The following PBX3 variants were observed in gnomAD, a reference collection of about 807,000 sequenced individuals.
PBX3 encodes the protein PBX homeobox 3, also known as pre-B-cell leukemia transcription factor 3.
A neutral mutation model predicts 48.5 loss-of-function variants in PBX3; 14 were observed. The observed-to-expected ratio is 0.29, with a 90% CI of 0.19 to 0.45. The LOEUF (loss-of-function observed/expected upper bound fraction) is 0.45, where lower values mean the gene tolerates loss of function less well. Ranked by LOEUF, PBX3 falls within the 20% of genes least tolerant of loss-of-function variation. The probability of loss-of-function intolerance (pLI) is 1.00; values close to 1 mark genes in which losing one functional copy is unlikely to be tolerated. For synonymous variants in PBX3, 210 were observed against 200.3 expected (o/e 1.05, Z -0.41); for missense variants, 386 against 546.7 (o/e 0.71, Z 2.93).
chr9:125,857,666 A>C (rs1227532255), intron 2 of PBX3, among the ~76,000 whole-genome samples: 1 of 152,256 alleles, frequency 6.6e-6, no homozygotes, highest in Non-Finnish European at 1.5e-5. Context: ...TTGGTGGAAC[A>C]GAATTTTACA....
rs1331363028 is a variant in PBX3 at position 125,759,781 on chromosome 9, C to A, written c.274+11158C>A. On this transcript the variant is annotated intron_variant, in intron 2 of 8. Transcript: ENST00000373489. The surrounding 1 kb of genome is among the most constrained non-coding windows in gnomAD (Gnocchi z 4.2). Reference sequence around the variant, plus strand: ...TGGCAACTGGCATAACAATTAGCATCCTCCAGCAATATTTTAGCAGGTTAA... The same window carrying A: ...TGGCAACTGGCATAACAATTAGCATACTCCAGCAATATTTTAGCAGGTTAA... Among the ~76,000 whole-genome samples, 2 of 152,180 alleles carry A rather than the reference C, an allele frequency of 1.3e-5. No homozygotes were observed. The highest frequency in any genetic ancestry group is 4.8e-5 in the African/African-American group (2 of 41,430).
intron 2 of PBX3, among the ~76,000 whole-genome samples, chr9:125,777,750 CTCTT>C (rs1564648700): frequency 6.6e-6 from 1 of 152,100 alleles, no homozygotes; most frequent in African/African-American, 2.4e-5. Flanking sequence ...TTACTTTACT[CTCTT>C]TCTTTGTTAT....
At chr9:125,948,229 A>G (rs1346584308) in intron 5 of PBX3, among the ~76,000 whole-genome samples, 2 of 147,348 alleles carry the variant, frequency 1.4e-5, no homozygotes, top group East Asian at 2.0e-4. Flanking sequence ...TAACACCACA[A>G]TTAGCAGACT....
intron 2 of PBX3, among the ~76,000 whole-genome samples, chr9:125,896,037 T>G (rs1225379147): frequency 6.6e-6 from 1 of 152,078 alleles, no homozygotes; most frequent in East Asian, 1.9e-4. Context: ...AAATACTCAC[T>G]TATTCCCTTT....
chr9:125,807,572 TA>T (rs1250850751), intron 2 of PBX3, among the ~76,000 whole-genome samples: 1 of 152,188 alleles, frequency 6.6e-6, no homozygotes, highest in Non-Finnish European at 1.5e-5. Context: ...CTAACTTGTC[TA>T]AATTCACATT....
intron 2 of PBX3, among the ~76,000 whole-genome samples, chr9:125,838,921 A>G (rs1839213455): frequency 2.0e-5 from 3 of 152,190 alleles, no homozygotes; most frequent in Non-Finnish European, 4.4e-5. Flanking sequence ...TTTCCAGGAA[A>G]GTGATAGAAG....
chr9:125,813,377 C>T (rs1838353840), intron 2 of PBX3, among the ~76,000 whole-genome samples: 1 of 152,058 alleles, frequency 6.6e-6, no homozygotes, highest in Non-Finnish European at 1.5e-5. Flanking sequence ...AATTTTTTAG[C>T]TCCTTTATAA....
chr9:125,813,228 T>TA (rs1407338300), intron 2 of PBX3, among the ~76,000 whole-genome samples: 1 of 152,066 alleles, frequency 6.6e-6, no homozygotes. Context: ...GATTTTTTTT[T>TA]ATATCCGTAT....
At chr9:125,814,178 A>AG (rs1554859052) in intron 2 of PBX3, among the ~76,000 whole-genome samples, 1 of 146,292 alleles carries the variant, frequency 6.8e-6, no homozygotes, top group African/African-American at 2.6e-5. Flanking sequence ...AAAAAAAAAA[A>AG]AGTATCCTAG....
intron 5 of PBX3, among the ~76,000 whole-genome samples, chr9:125,950,126 C>CCT (rs1453601939): frequency 6.6e-6 from 1 of 152,134 alleles, no homozygotes; most frequent in Non-Finnish European, 1.5e-5. Context: ...TAGAGGCACC[C>CCT]CTCAGCACGT....
intron 2 of PBX3, chr9:125,749,456 A>G (rs904393081): frequency 3.3e-5 from 5 of 152,070 alleles, no homozygotes; most frequent in African/African-American, 1.2e-4. Context: ...ACTGAAGCAG[A>G]GATTTGGATG....
At chr9:125,855,355 A>G (rs546390841) in intron 2 of PBX3, among the ~76,000 whole-genome samples, 2 of 152,238 alleles carry the variant, frequency 1.3e-5, no homozygotes, top group African/African-American at 4.8e-5. Context: ...TAATTTAAAA[A>G]TTATTTGTAA....
intron 2 of PBX3, among the ~76,000 whole-genome samples, chr9:125,766,332 T>C (rs1278845327): frequency 6.6e-6 from 1 of 152,152 alleles, no homozygotes; most frequent in Non-Finnish European, 1.5e-5. Flanking sequence ...AATTTATATG[T>C]AAATTATTTG....
intron 2 of PBX3, among the ~76,000 whole-genome samples, chr9:125,865,731 AT>A (rs1031518255): frequency 1.6e-4 from 25 of 152,304 alleles, no homozygotes; most frequent in Admixed American, 2.6e-4. Flanking sequence ...CACTAAACTC[AT>A]TTAAGTCAAA....
intron 2 of PBX3, among the ~76,000 whole-genome samples, chr9:125,889,979 T>C (rs1169648567): frequency 6.6e-6 from 1 of 151,786 alleles, no homozygotes; most frequent in Non-Finnish European, 1.5e-5. Flanking sequence ...GCAGCTGACC[T>C]TAGCCGGCTG....
chr9:125,888,059 T>G (rs1840542639), intron 2 of PBX3, among the ~76,000 whole-genome samples: 1 of 152,142 alleles, frequency 6.6e-6, no homozygotes, highest in Non-Finnish European at 1.5e-5. Context: ...TAGATAGACT[T>G]CTACTACTAG....
At chr9:125,925,764 A>G (rs1469815383) in intron 3 of PBX3, among the ~76,000 whole-genome samples, 2 of 152,230 alleles carry the variant, frequency 1.3e-5, no homozygotes, top group Non-Finnish European at 2.9e-5. Context: ...CTGAGAATTT[A>G]AAAATTTAAT....
At chr9:125,748,694 C>T in intron 2 of PBX3, 71 bp downstream of exon 2, 1 of 1,142,800 alleles carries the variant, frequency 8.8e-7, no homozygotes, top group Non-Finnish European at 1.3e-6. Context: ...CTTCGACTCT[C>T]CAGTTGAGAG....
chr9:125,844,876 A>C (rs564968573), intron 2 of PBX3: 1 of 152,224 alleles, frequency 6.6e-6, no homozygotes, highest in East Asian at 1.9e-4. Context: ...GAGCTGTACC[A>C]TTCGCTGAAC....
Sources: gnomAD v4.1 joint callset for allele counts (sites outside exome capture counted in the v4.1 genomes callset) on GRCh38, gnomAD v4.1.1 for gene constraint, Gnocchi (gnomAD v3.1) non-coding constraint, MANE v1.5 for transcripts, NCBI Gene and HGNC (gene_info 2026-07-23, HGNC 2026-07-21) for gene names.